The following BCAR3 variants were observed in gnomAD, a reference collection of about 807,000 sequenced individuals.
BCAR3 encodes breast cancer anti-estrogen resistance protein 3.
Under a neutral mutation model 80.1 loss-of-function variants are expected in BCAR3, and 37 were observed. The observed-to-expected ratio is 0.46, with a 90% CI of 0.36 to 0.61. The LOEUF (loss-of-function observed/expected upper bound fraction) is 0.61. Ranked by LOEUF, BCAR3 falls within the 20% of genes least tolerant of loss-of-function variation. The probability of loss-of-function intolerance (pLI) is 0.00; values close to 1 mark genes in which losing one functional copy is unlikely to be tolerated. For synonymous variants in BCAR3, 389 were observed against 418.9 expected, an observed-to-expected ratio of 0.93 and a Z score of 0.87; for missense variants, 978 against 1,068.2, an observed-to-expected ratio of 0.92 and a Z score of 1.18.
chr1:93,592,292 G>A lies in BCAR3; in HGVS notation c.459C>T (p.Ala153=). The change falls in exon 4 of 12, where the codon GCC becomes GCT. Residue 153 remains alanine (A), a synonymous_variant. Coordinates refer to ENST00000260502, the MANE Select transcript of BCAR3 (RefSeq NM_003567.4). This position sits in a 1 kb window ranked among gnomAD's most constrained non-coding sequence, Gnocchi z 4.8. ...GTCGGGGGATGCGGCCGTGGTACCA[G>A]GCATGGCTGCGCAGGTCCTCGCTGC... ...LLSSEDLRSH[A]WYHGRIPRQV... 1.2e-6 allele frequency: 2 copies of A among 1,613,052 alleles called. No individual in the cohort carries two copies. Among genetic ancestry groups the A allele is most frequent in the Non-Finnish European group, 1.7e-6 (2 of 1,179,998 alleles).
At chr1:93,681,968 C>G (rs184718666), upstream of BCAR3, 1 of 152,268 alleles carries the variant, frequency 6.6e-6, no homozygotes, top group East Asian at 1.9e-4. Context: ...CCAGGCCCTC[C>G]TCTGCCCGGA....
intron 2 of BCAR3, among the ~76,000 whole-genome samples, chr1:93,798,443 A>AT (rs200197030): frequency 0.064 from 9,709 of 151,962 alleles, 360 homozygotes; most frequent in South Asian, 0.094. Flanking sequence ...ACAATAGCCA[A>AT]TTTTTTTTGG....
intron 3 of BCAR3, among the ~76,000 whole-genome samples, chr1:93,607,765 AG>A (rs985856398): frequency 2.0e-5 from 3 of 152,220 alleles, no homozygotes; most frequent in Non-Finnish European, 4.4e-5. Context: ...TATCTCCTTC[AG>A]GAAGTCCCCT....
chr1:93,736,906 A>G (rs1318627239), intron 2 of BCAR3, among the ~76,000 whole-genome samples: 1 of 152,194 alleles, frequency 6.6e-6, no homozygotes, highest in Non-Finnish European at 1.5e-5. Flanking sequence ...TTCTGAAAGC[A>G]TGGTCTACGG....
intron 2 of BCAR3, among the ~76,000 whole-genome samples, chr1:93,661,792 A>T (rs1647675525): frequency 6.6e-6 from 1 of 152,230 alleles, no homozygotes; most frequent in Non-Finnish European, 1.5e-5. Flanking sequence ...CCCAGCCCCA[A>T]TGTAGCTTTA....
chr1:93,674,553 A>C (rs1648371853), intron 2 of BCAR3, 61 bp downstream of exon 2: 1 of 1,565,480 alleles, frequency 6.4e-7, no homozygotes, highest in Admixed American at 1.9e-5. Context: ...CCCGGCCATA[A>C]AAACCTTTTA....
chr1:93,747,626 C>T (rs1273344534), intron 2 of BCAR3, among the ~76,000 whole-genome samples: 1 of 151,634 alleles, frequency 6.6e-6, no homozygotes, highest in Non-Finnish European at 1.5e-5. Context: ...TAGTGAGTTT[C>T]CCTGCCTCTC....
intron 2 of BCAR3, among the ~76,000 whole-genome samples, chr1:93,708,955 G>A (rs912784590): frequency 1.1e-4 from 17 of 152,172 alleles, no homozygotes; most frequent in African/African-American, 3.9e-4. Context: ...CAGCTTCTAA[G>A]CTTCGGGCTT....
intron 3 of BCAR3, among the ~76,000 whole-genome samples, chr1:93,607,387 G>A (rs1023536250): frequency 6.6e-6 from 1 of 152,102 alleles, no homozygotes; most frequent in Admixed American, 6.5e-5. Context: ...CGTTATGAGA[G>A]TTAGAAGGAC....
chr1:93,694,853 AC>A (rs919310593), intron 3 of BCAR3, among the ~76,000 whole-genome samples: 1 of 152,164 alleles, frequency 6.6e-6, no homozygotes, highest in Admixed American at 6.5e-5. Flanking sequence ...CCTCAAAGCC[AC>A]CCACTCCTGT....
intron 3 of BCAR3, among the ~76,000 whole-genome samples, chr1:93,634,821 C>A (rs934951569): frequency 6.6e-6 from 1 of 152,180 alleles, no homozygotes; most frequent in African/African-American, 2.4e-5. Context: ...GCCTCCCCAG[C>A]CATATGGAAC....
At position 93,786,192 on chromosome 1, in the gene BCAR3, CAAAAAAAAAA is replaced by C. The variant is rs61644309; in HGVS notation, c.-63+59365_-63+59374del. Among the ~76,000 whole-genome samples the C allele has an allele frequency of 9.5e-4, 22 of 23,248 alleles. 3 individuals are homozygous for C. The East Asian group carries it at 0.041, about 43-fold the overall frequency. The allele number at this position is 23,248 out of a possible 152,430, so 15.3% of individuals were successfully genotyped here. ...TGGGCGTCAGAGCGAGACTCCGTCT[CAAAAAAAAAA>C]AAAAAAAAAAAAAAAAAGTGCCATG... On this transcript the variant is annotated intron_variant, in intron 2 of 13. Transcript: ENST00000370244.
Position 93,674,682 on chromosome 1 carries a change from C to T in BCAR3, c.249G>A (p.Ser83=), listed in dbSNP as rs370751140. The stretch of plus-strand genomic sequence containing the variant: ...CCTGGATGCCATCCTGGGTCACAGG[C>T]GAGTTCTGCCGTGGGGATTTGGAGT... ...LPHSKSPRQN[S]PVTQDGIQES... is the part of the protein sequence containing the mutation. The change falls in exon 2 of 12, where the codon TCG becomes TCA. Residue 83 remains serine (S), a synonymous_variant. Transcript: ENST00000260502. 1.7e-5 allele frequency: 27 copies of T among 1,613,866 alleles called. No homozygotes were observed. The highest frequency in any genetic ancestry group is 2.2e-5 in the East Asian group (1 of 44,876).
intron 3 of BCAR3, among the ~76,000 whole-genome samples, chr1:93,639,764 A>G (rs938259092): frequency 2.0e-4 from 30 of 151,814 alleles, no homozygotes; most frequent in African/African-American, 7.0e-4. Flanking sequence ...GGTGTGAGCC[A>G]CCGCACCCAG....
rs1016232069 is a variant in BCAR3 at position 93,825,585 on chromosome 1, C to T, written c.-63+19982G>A. Among the ~76,000 whole-genome samples, 12 of 123,696 alleles carry T rather than the reference C, an allele frequency of 9.7e-5. 2 individuals are homozygous for T. The highest frequency in any genetic ancestry group is 3.1e-4 in the African/African-American group (12 of 38,156). The allele number at this position is 123,696 out of a possible 152,430, so 81.1% of individuals were successfully genotyped here. A position where few individuals can be genotyped will look rare whatever the true frequency, so the allele number is the denominator to read the frequency against. On this transcript the variant is annotated intron_variant, in intron 2 of 13. Transcript: ENST00000370244. ...CCTGCCTTTCTGCACTCTCTGCCTG[C>T]CCCTTGCCATGGAGATTCCAGATGC... is the stretch of plus-strand genomic sequence containing the variant.
At chr1:93,817,978 C>T (rs986132447) in intron 2 of BCAR3, among the ~76,000 whole-genome samples, 2 of 152,228 alleles carry the variant, frequency 1.3e-5, no homozygotes, top group African/African-American at 4.8e-5. Flanking sequence ...CGAAGCTTCC[C>T]AGCCTACTGA....
At chr1:93,837,937 CAT>C (rs1221781327) in intron 2 of BCAR3, among the ~76,000 whole-genome samples, 3 of 152,242 alleles carry the variant, frequency 2.0e-5, no homozygotes, top group African/African-American at 4.8e-5. Context: ...TCAACACTCA[CAT>C]GAGTCATGTT....
chr1:93,562,968 C>T (rs1343023911), intron 11 of BCAR3, among the ~76,000 whole-genome samples: 2 of 151,970 alleles, frequency 1.3e-5, no homozygotes, highest in Non-Finnish European at 2.9e-5. Flanking sequence ...CATTAAAAAA[C>T]AATAGAGTGA....
At chr1:93,670,545 C>G (rs1219212163) in intron 2 of BCAR3, among the ~76,000 whole-genome samples, 1 of 152,196 alleles carries the variant, frequency 6.6e-6, no homozygotes, top group Non-Finnish European at 1.5e-5. Context: ...AACACACTGT[C>G]TGGGGAAGGC....
Sources: allele counts gnomAD v4.1 joint callset (sites outside exome capture counted in the v4.1 genomes callset), GRCh38; gene constraint gnomAD v4.1.1; non-coding constraint Gnocchi (gnomAD v3.1); transcripts MANE v1.5; gene names NCBI Gene and HGNC (gene_info 2026-07-23, HGNC 2026-07-21).